LARGE1: variants seen among roughly 807,000 people sequenced by gnomAD.
The protein encoded by LARGE1 is LARGE xylosyl- and glucuronyltransferase 1.
A neutral mutation model predicts 87.6 loss-of-function variants in LARGE1; 43 were observed. The ratio of observed to expected loss-of-function variants is 0.49; its 90% CI spans 0.38 to 0.63. The LOEUF is 0.63. LARGE1 is among the 30% of genes least tolerant of loss of function. The probability of loss-of-function intolerance (pLI) is 0.00; values close to 1 mark genes in which losing one functional copy is unlikely to be tolerated. For missense variants in LARGE1, 802 were observed against 1,000.2 expected, an observed-to-expected ratio of 0.80 and a Z score of 2.67; for synonymous variants, 434 against 394.6, an observed-to-expected ratio of 1.10 and a Z score of -1.18.
chr22:33,773,270 A>C (rs2085128971), intron 1 of LARGE1, among the ~76,000 whole-genome samples: 1 of 152,232 alleles, frequency 6.6e-6, no homozygotes, highest in African/African-American at 2.4e-5. Flanking sequence ...GCACTATTAA[A>C]GATTCATCAT....
intron 10 of LARGE1, 48 bp from the exon 11 acceptor site, chr22:33,316,296 G>A: frequency 6.3e-7 from 1 of 1,598,546 alleles, no homozygotes; most frequent in African/African-American, 1.3e-5. Context: ...GAGGTCCGAG[G>A]GGGCCCATGA....
chr22:33,547,427 G>T (rs768880541), intron 6 of LARGE1, among the ~76,000 whole-genome samples: 7 of 152,274 alleles, frequency 4.6e-5, no homozygotes, highest in Admixed American at 6.5e-5. Context: ...ATGCTTGCTC[G>T]CCTGGTTCCT....
chr22:33,565,595 C>T (rs1396352455), intron 5 of LARGE1, among the ~76,000 whole-genome samples: 1 of 152,182 alleles, frequency 6.6e-6, no homozygotes, highest in Non-Finnish European at 1.5e-5. Context: ...ACACTCTTCA[C>T]CTGACAGCAA....
At chr22:33,369,815 T>TG (rs1265870045) in intron 9 of LARGE1, among the ~76,000 whole-genome samples, 2 of 152,104 alleles carry the variant, frequency 1.3e-5, no homozygotes, top group African/African-American at 4.8e-5. Context: ...GTGATCCACC[T>TG]GCCTTGGCCT....
At chr22:33,546,667 C>G (rs36090612) in intron 6 of LARGE1, among the ~76,000 whole-genome samples, 1 of 152,314 alleles carries the variant, frequency 6.6e-6, no homozygotes, top group East Asian at 1.9e-4. Context: ...TCACTGCAAC[C>G]TATGCCTCCT....
chr22:33,302,390 T>C lies in LARGE1; in HGVS notation c.1730+1839A>G, dbSNP rs932944804. Among the ~76,000 whole-genome samples the C allele has an allele frequency of 2.0e-5, 3 of 152,172 alleles. No individual in the cohort carries two copies. In the East Asian group the frequency reaches 5.8e-4, roughly 29 times the overall value. ...TGCCTAGGGGTCGCTGACCCTACTG[T>C]TTTTAACAGAGTCTGGTAGGGACTC... On this transcript the variant is annotated intron_variant, in intron 12 of 14. Transcript: ENST00000397394.
chr22:33,152,216 A>G, the LARGE1 span, among the ~76,000 whole-genome samples: 12 of 152,208 alleles, frequency 7.9e-5, no homozygotes, highest in African/African-American at 2.9e-4. Context: ...TTCCTTTAGG[A>G]ACATACCAGC....
At chr22:33,459,255 T>A (rs919896245) in intron 6 of LARGE1, among the ~76,000 whole-genome samples, 1 of 152,106 alleles carries the variant, frequency 6.6e-6, no homozygotes, top group Non-Finnish European at 1.5e-5. Context: ...GGCAGTGAAA[T>A]CCTTGTCATG....
chr22:33,493,746 CA>C (rs1447944544), intron 6 of LARGE1, among the ~76,000 whole-genome samples: 8 of 152,160 alleles, frequency 5.3e-5, no homozygotes, highest in Non-Finnish European at 1.2e-4. Context: ...CTGGGATTCA[CA>C]GCCACACAGC....
intron 2 of LARGE1, among the ~76,000 whole-genome samples, chr22:33,751,484 CA>C (rs112824683): frequency 0.33 from 42,034 of 125,996 alleles, 7,750 homozygotes; most frequent in African/African-American, 0.59. Context: ...GACTCCATCT[CA>C]AAAAAAAAAA....
intron 5 of LARGE1, among the ~76,000 whole-genome samples, chr22:33,583,797 C>T (rs1383413655): frequency 2.0e-5 from 3 of 152,178 alleles, no homozygotes; most frequent in Non-Finnish European, 4.4e-5. Context: ...CACATATCTC[C>T]CCCATAAGAA....
downstream of LARGE1, among the ~76,000 whole-genome samples, chr22:33,270,697 C>T (rs1377922553): frequency 1.3e-5 from 2 of 152,156 alleles, no homozygotes; most frequent in Non-Finnish European, 2.9e-5. Flanking sequence ...ATTTGAATCA[C>T]ATTTCTTTCA....
chr22:33,633,663 C>T (rs2080176768), intron 3 of LARGE1, among the ~76,000 whole-genome samples: 1 of 152,180 alleles, frequency 6.6e-6, no homozygotes, highest in Non-Finnish European at 1.5e-5. Context: ...TTAAGCATCT[C>T]CTATCAGACA....
the LARGE1 span, among the ~76,000 whole-genome samples, chr22:33,114,940 A>G: frequency 6.6e-6 from 1 of 151,756 alleles, no homozygotes; most frequent in African/African-American, 2.4e-5. Flanking sequence ...TTCTGCTTAA[A>G]CTCTGAAATT....
intron 2 of LARGE1, among the ~76,000 whole-genome samples, chr22:33,712,320 C>T (rs2082755537): frequency 6.6e-6 from 1 of 152,162 alleles, no homozygotes; most frequent in African/African-American, 2.4e-5. Context: ...ATGCCAGCCT[C>T]AGTGGGAGAA....
the LARGE1 span, among the ~76,000 whole-genome samples, chr22:33,073,759 A>T: frequency 1.3e-5 from 2 of 152,216 alleles, no homozygotes; most frequent in Non-Finnish European, 2.9e-5. Context: ...CCAAGTAAAA[A>T]GAAAATTGCG....
At chr22:33,589,691 G>T (rs943150658) in intron 5 of LARGE1, among the ~76,000 whole-genome samples, 3 of 152,152 alleles carry the variant, frequency 2.0e-5, no homozygotes, top group African/African-American at 7.2e-5. Context: ...TTTGAATAAT[G>T]AAAGAAGTGG....
chr22:33,284,542 A>T (rs939047789), intron 12 of LARGE1, among the ~76,000 whole-genome samples: 10 of 150,722 alleles, frequency 6.6e-5, no homozygotes, highest in Non-Finnish European at 1.2e-4. Flanking sequence ...GCTCATGGAG[A>T]GCCATCCACG....
intron 2 of LARGE1, among the ~76,000 whole-genome samples, chr22:33,666,026 C>T (rs2081258718): frequency 6.6e-6 from 1 of 152,068 alleles, no homozygotes; most frequent in Admixed American, 6.5e-5. Flanking sequence ...CCTCGATTTT[C>T]ATTTTACTTT....
Sources: allele counts gnomAD v4.1 joint callset (sites outside exome capture counted in the v4.1 genomes callset), GRCh38; gene constraint gnomAD v4.1.1; transcripts MANE v1.5; gene names NCBI Gene and HGNC (gene_info 2026-07-23, HGNC 2026-07-21).